The following ASTN2 variants were observed in gnomAD, a reference collection of about 807,000 sequenced individuals.
The protein encoded by ASTN2 is astrotactin-2.
A neutral mutation model predicts 139.8 loss-of-function variants in ASTN2; 54 were observed. The ratio of observed to expected loss-of-function variants is 0.39; its 90% CI spans 0.31 to 0.48. The LOEUF is 0.48. Ranked by LOEUF, ASTN2 falls within the 20% of genes least tolerant of loss-of-function variation. The probability of loss-of-function intolerance (pLI) is 0.95; values close to 1 mark genes in which losing one functional copy is unlikely to be tolerated. For synonymous variants in ASTN2, 756 were observed against 719.5 expected (o/e 1.05, Z -0.81); for missense variants, 1,565 against 1,725.1 (o/e 0.91, Z 1.64).
Position 117,214,480 on chromosome 9 carries a change from T to C in ASTN2, c.893A>G (p.Asp298Gly). ...GTTGGCCCGCCTAGGTGGCTCCTCATCCTCCTCACAGTCATAGTCATCCAG... is the reference window on the plus strand; with the variant it reads ...GTTGGCCCGCCTAGGTGGCTCCTCACCCTCCTCACAGTCATAGTCATCCAG... ...PILDDYDCEE[D>G]EEPPRRANHV... Residue 298 changes from aspartate (D) to glycine (G), a missense_variant, in exon 3 of 23, where the codon GAT becomes GGT. Transcript: ENST00000313400. The C allele has an allele frequency of 6.2e-7, 1 of 1,614,174 alleles. No homozygotes were observed. Among genetic ancestry groups the C allele is most frequent in the Non-Finnish European group, 8.5e-7 (1 of 1,180,020 alleles).
rs377713113 is a variant in ASTN2 at position 116,916,991 on chromosome 9, A to AT, written c.1890-53259dup. 2.6e-4 allele frequency among the ~76,000 whole-genome samples: 39 copies of AT among 149,862 alleles called. No individual in the cohort carries two copies. In the East Asian group the frequency reaches 4.9e-3, roughly 19 times the overall value. On this transcript the variant is annotated intron_variant, in intron 10 of 22. Transcript: ENST00000313400. ...GGGGCTGGAAAAACCCTCTATGGAG[A>AT]TTTTTTTTTTCTCCCCTCATTATTT...
At chr9:117,090,911 G>T (rs949138058) in intron 5 of ASTN2, among the ~76,000 whole-genome samples, 17 of 152,164 alleles carry the variant, frequency 1.1e-4, no homozygotes, top group African/African-American at 3.6e-4. Flanking sequence ...CCCACCACTA[G>T]CCCTCAGTGT....
At chr9:117,198,699 T>C (rs1465990186) in intron 3 of ASTN2, among the ~76,000 whole-genome samples, 2 of 152,320 alleles carry the variant, frequency 1.3e-5, no homozygotes, top group East Asian at 1.9e-4. Context: ...TTGTAGATCC[T>C]TGAGGAATTG....
At chr9:116,478,424 G>A (rs1849061683) in intron 20 of ASTN2, among the ~76,000 whole-genome samples, 1 of 152,112 alleles carries the variant, frequency 6.6e-6, no homozygotes, top group South Asian at 2.1e-4. Context: ...TTCTTTCCCT[G>A]GTGTGTCCTG....
At chr9:116,537,219 T>C (rs1851675219) in intron 19 of ASTN2, among the ~76,000 whole-genome samples, 1 of 152,208 alleles carries the variant, frequency 6.6e-6, no homozygotes, top group Admixed American at 6.6e-5. Flanking sequence ...ATTACCCATC[T>C]TCTGTGTCGC....
At chr9:117,344,255 TAA>T (rs1040309008) in intron 1 of ASTN2, among the ~76,000 whole-genome samples, 4 of 152,002 alleles carry the variant, frequency 2.6e-5, no homozygotes, top group African/African-American at 9.7e-5. Context: ...GCACAGTGAA[TAA>T]GACTTCAAAG....
chr9:117,160,063 C>T (rs1283777837), intron 3 of ASTN2, among the ~76,000 whole-genome samples: 4 of 151,976 alleles, frequency 2.6e-5, no homozygotes, highest in Non-Finnish European at 4.4e-5. Flanking sequence ...TTAAGGCCTT[C>T]GTTTGTGTCC....
At chr9:116,786,541 G>C (rs1333643726) in intron 13 of ASTN2, among the ~76,000 whole-genome samples, 1 of 152,030 alleles carries the variant, frequency 6.6e-6, no homozygotes, top group African/African-American at 2.4e-5. Context: ...ACTGTTACTT[G>C]TTACTCTTGT....
chr9:116,984,377 C>G (rs987523055), intron 7 of ASTN2, among the ~76,000 whole-genome samples: 9 of 152,232 alleles, frequency 5.9e-5, no homozygotes, highest in African/African-American at 2.2e-4. Flanking sequence ...GTCACATATC[C>G]CAGTCAAAGC....
intron 10 of ASTN2, among the ~76,000 whole-genome samples, chr9:116,893,946 C>T (rs562896053): frequency 6.6e-6 from 1 of 152,282 alleles, no homozygotes; most frequent in East Asian, 1.9e-4. Context: ...CTTGAGCATC[C>T]ACATTTTTCC....
chr9:116,431,010 C>G (rs1254862574), intron 22 of ASTN2, among the ~76,000 whole-genome samples: 1 of 152,092 alleles, frequency 6.6e-6, no homozygotes, highest in Non-Finnish European at 1.5e-5. Flanking sequence ...GGACTCAGAC[C>G]CACTGGGATA....
intron 4 of ASTN2, among the ~76,000 whole-genome samples, chr9:117,114,635 T>C (rs915179403): frequency 6.6e-6 from 1 of 152,184 alleles, no homozygotes; most frequent in Non-Finnish European, 1.5e-5. Context: ...GCTTTATACA[T>C]AGCCCTGAAA....
chr9:116,531,486 A>G (rs2119290968), intron 19 of ASTN2, among the ~76,000 whole-genome samples: 2 of 152,152 alleles, frequency 1.3e-5, no homozygotes, highest in Admixed American at 1.3e-4. Flanking sequence ...CATTTATATT[A>G]GGTATATCTC....
chr9:116,790,979 GAA>G, intron 13 of ASTN2, among the ~76,000 whole-genome samples: 2 of 58,262 alleles, frequency 3.4e-5, no homozygotes, highest in East Asian at 2.1e-3. Flanking sequence ...AAGAAAGAAA[GAA>G]AGAAAGAAAG....
At chr9:117,207,697 A>G (rs1179831368) in intron 3 of ASTN2, among the ~76,000 whole-genome samples, 2 of 152,146 alleles carry the variant, frequency 1.3e-5, no homozygotes, top group Non-Finnish European at 2.9e-5. Context: ...CCCCCAGGCC[A>G]GCTGAGATAC....
chr9:116,486,486 G>A (rs1849342750), intron 20 of ASTN2, among the ~76,000 whole-genome samples: 2 of 152,194 alleles, frequency 1.3e-5, no homozygotes, highest in African/African-American at 4.8e-5. Context: ...TGGGTAGACA[G>A]ATAGTTAAAT....
In ASTN2 at chr9:116,751,586, T is replaced by TA. The variant is rs539281273; in HGVS notation, c.2397-18064dup. Among the ~76,000 whole-genome samples, 12 of 151,884 alleles carry TA rather than the reference T, an allele frequency of 7.9e-5. No individual in the cohort carries two copies. In the East Asian group the frequency reaches 1.9e-3, roughly 24 times the overall value. On this transcript the variant is annotated intron_variant, in intron 13 of 22. Transcript: ENST00000313400. ...ATTATTAGAAATGTGATTTAGGGTTTAAAAAATAATATGCAGCAGAAAATC... is the reference window on the plus strand; with the variant it reads ...ATTATTAGAAATGTGATTTAGGGTTTAAAAAAATAATATGCAGCAGAAAATC...
At chr9:116,815,977 A>G (rs1831317824) in intron 12 of ASTN2, among the ~76,000 whole-genome samples, 1 of 152,108 alleles carries the variant, frequency 6.6e-6, no homozygotes, top group Non-Finnish European at 1.5e-5. Flanking sequence ...GGACAACTAT[A>G]TAATCCACTA....
chr9:117,146,846 T>G (rs1830209464), intron 3 of ASTN2, among the ~76,000 whole-genome samples: 1 of 152,050 alleles, frequency 6.6e-6, no homozygotes, highest in Admixed American at 6.5e-5. Context: ...TGCTGTAGGG[T>G]GACTGTAGTA....
Sources: gnomAD v4.1 joint callset for allele counts (sites outside exome capture counted in the v4.1 genomes callset) on GRCh38, gnomAD v4.1.1 for gene constraint, MANE v1.5 for transcripts, NCBI Gene and HGNC (gene_info 2026-07-23, HGNC 2026-07-21) for gene names.